The following CCBE1 variants were observed in gnomAD, a reference collection of about 807,000 sequenced individuals.
The protein encoded by CCBE1 is collagen and calcium binding EGF domains 1.
CCBE1 carries 37 observed loss-of-function variants against 50.0 expected under a neutral mutation model. That is an observed-to-expected ratio of 0.74 (90% confidence interval 0.57 to 0.97). The LOEUF (loss-of-function observed/expected upper bound fraction) is 0.97. Ranked by LOEUF, CCBE1 falls within the 50% of genes least tolerant of loss-of-function variation. The probability of loss-of-function intolerance (pLI) is 0.00; values close to 1 mark genes in which losing one functional copy is unlikely to be tolerated. For missense variants in CCBE1, 538 were observed against 523.8 expected, an observed-to-expected ratio of 1.03 and a Z score of -0.26; for synonymous variants, 234 against 203.7, an observed-to-expected ratio of 1.15 and a Z score of -1.27.
At chr18:59,486,685 A>G (rs189887597) in intron 2 of CCBE1, among the ~76,000 whole-genome samples, 12 of 152,308 alleles carry the variant, frequency 7.9e-5, no homozygotes, top group African/African-American at 2.9e-4. Flanking sequence ...AACCAGAAGC[A>G]CCAGCTATTA....
intron 2 of CCBE1, among the ~76,000 whole-genome samples, chr18:59,609,660 C>T (rs1202172874): frequency 3.3e-5 from 5 of 152,218 alleles, no homozygotes; most frequent in African/African-American, 1.2e-4. Context: ...TATCTTTACT[C>T]ATGATCAGTT....
chr18:59,632,766 T>G (rs202049027), intron 2 of CCBE1, among the ~76,000 whole-genome samples: 6 of 92,906 alleles, frequency 6.5e-5, no homozygotes, highest in African/African-American at 3.9e-4. Context: ...ATTTTTATTT[T>G]ATTTGTTTTA....
intron 2 of CCBE1, among the ~76,000 whole-genome samples, chr18:59,542,276 A>ACTGAATGTGT (rs376065354): frequency 2.0e-5 from 3 of 151,808 alleles, no homozygotes. Context: ...TCAGGTAGAA[A>ACTGAATGTGT]TCTTAATAAA....
intron 2 of CCBE1, among the ~76,000 whole-genome samples, chr18:59,695,139 T>A (rs2054788304): frequency 6.6e-6 from 1 of 152,200 alleles, no homozygotes; most frequent in Non-Finnish European, 1.5e-5. Context: ...TTATGTGAAG[T>A]CCGACCTTCA....
chr18:59,603,221 C>T (rs762821232), intron 2 of CCBE1, among the ~76,000 whole-genome samples: 2 of 152,148 alleles, frequency 1.3e-5, no homozygotes, highest in Admixed American at 6.5e-5. Context: ...TGACTTCCAC[C>T]GCCTCAAATA....
rs115215227 is a variant in CCBE1 at position 59,627,214 on chromosome 18, T to C, written c.212+69415A>G. On this transcript the variant is annotated intron_variant, in intron 2 of 10. Transcript: ENST00000439986. ...TAGTTTCCTAGTGATATATACACCA[T>C]ATTGTCCGTATTCTGAGTAATTATA... is the stretch of plus-strand genomic sequence containing the variant. Among the ~76,000 whole-genome samples the C allele has an allele frequency of 6.0e-3, 919 of 152,354 alleles. 14 individuals are homozygous for C. The highest frequency in any genetic ancestry group is 0.021 in the African/African-American group (882 of 41,588).
At chr18:59,470,663 T>C (rs1422761426) in intron 3 of CCBE1, among the ~76,000 whole-genome samples, 2 of 152,168 alleles carry the variant, frequency 1.3e-5, no homozygotes, top group Admixed American at 1.3e-4. Flanking sequence ...AACTGATATG[T>C]AATGAGCCTC....
chr18:59,694,279 A>C (rs2054776357), intron 2 of CCBE1, among the ~76,000 whole-genome samples: 1 of 152,190 alleles, frequency 6.6e-6, no homozygotes, highest in Non-Finnish European at 1.5e-5. Context: ...TGGTAAAGAG[A>C]ATTCTATACA....
At chr18:59,466,961 G>A in intron 4 of CCBE1, 70 bp from the exon 5 acceptor site, 3 of 1,373,300 alleles carry the variant, frequency 2.2e-6, no homozygotes, top group Non-Finnish European at 3.1e-6. Context: ...GATGACATTG[G>A]GCTTTGCCTC....
At chr18:59,644,932 T>C (rs1473409870) in intron 2 of CCBE1, among the ~76,000 whole-genome samples, 1 of 152,178 alleles carries the variant, frequency 6.6e-6, no homozygotes, top group Non-Finnish European at 1.5e-5. Context: ...TCTTTAGACA[T>C]AAACAGGGAT....
intron 2 of CCBE1, among the ~76,000 whole-genome samples, chr18:59,558,547 A>G (rs2144439272): frequency 6.6e-6 from 1 of 152,330 alleles, no homozygotes; most frequent in Admixed American, 6.5e-5. Context: ...TGGGAGGACC[A>G]TCTCTTGGTT....
At chr18:59,547,390 G>C (rs1191566710) in intron 2 of CCBE1, among the ~76,000 whole-genome samples, 3 of 152,114 alleles carry the variant, frequency 2.0e-5, no homozygotes, top group Non-Finnish European at 2.9e-5. Context: ...TTGATTTGGG[G>C]GATAAGACAA....
At chr18:59,598,518 C>G (rs1042716752) in intron 2 of CCBE1, among the ~76,000 whole-genome samples, 2 of 152,230 alleles carry the variant, frequency 1.3e-5, no homozygotes, top group Non-Finnish European at 2.9e-5. Context: ...CTGTTTCTAG[C>G]TCTCCATCCT....
intron 2 of CCBE1, among the ~76,000 whole-genome samples, chr18:59,548,975 T>C (rs930408212): frequency 6.6e-6 from 1 of 151,882 alleles, no homozygotes; most frequent in East Asian, 1.9e-4. Flanking sequence ...TGGTGGCGCA[T>C]TCCTGAAACC....
At chr18:59,558,745 C>T (rs1594190) in intron 2 of CCBE1, among the ~76,000 whole-genome samples, 11,599 of 152,198 alleles carry the variant, frequency 0.076, 468 homozygotes, top group Admixed American at 0.11. Flanking sequence ...CTTGCTTGTG[C>T]CCAGAGAAAG....
chr18:59,455,118 C>T (rs1456843101), intron 5 of CCBE1, 167 bp from the exon 6 acceptor site: 1 of 696,934 alleles, frequency 1.4e-6, no homozygotes, highest in Non-Finnish European at 2.6e-6. Context: ...CAGCATGCCC[C>T]AGGGTCAGGG....
At chr18:59,605,009 G>A (rs567310687) in intron 2 of CCBE1, among the ~76,000 whole-genome samples, 26 of 152,288 alleles carry the variant, frequency 1.7e-4, no homozygotes, top group East Asian at 1.9e-4. Flanking sequence ...CACCTACACC[G>A]TGTTCATCAT....
chr18:59,590,655 C>T (rs185805121), intron 2 of CCBE1, among the ~76,000 whole-genome samples: 1 of 152,250 alleles, frequency 6.6e-6, no homozygotes, highest in East Asian at 1.9e-4. Flanking sequence ...GGTTGTATCG[C>T]ACATGAGTAA....
intron 2 of CCBE1, among the ~76,000 whole-genome samples, chr18:59,583,867 T>C (rs2053133064): frequency 6.6e-6 from 1 of 152,172 alleles, no homozygotes; most frequent in Admixed American, 6.5e-5. Flanking sequence ...TGTAATCCTC[T>C]GTGGAGAAAC....
Sources: gnomAD v4.1 joint callset for allele counts (sites outside exome capture counted in the v4.1 genomes callset) on GRCh38, gnomAD v4.1.1 for gene constraint, MANE v1.5 for transcripts, NCBI Gene and HGNC (gene_info 2026-07-23, HGNC 2026-07-21) for gene names.